SHH: variants seen among roughly 807,000 people sequenced by gnomAD.
The protein encoded by SHH is sonic hedgehog protein.
A neutral mutation model predicts 16.6 loss-of-function variants in SHH; 3 were observed. The ratio of observed to expected loss-of-function variants is 0.18; its 90% confidence interval spans 0.08 to 0.47. The LOEUF is 0.47. SHH is among the 20% of genes least tolerant of loss of function. SHH has a pLI of 0.98. For missense variants in SHH, 499 were observed against 665.0 expected (o/e 0.75, Z 2.75); for synonymous variants, 351 against 316.2 (o/e 1.11, Z -1.17).
chr7:155,802,864 CGCCCCCTCCCG>C lies in SHH; in HGVS notation c.*25_*35del. Reference sequence around the variant, plus strand: ...TTGCGTTGCTGTTGCTGCCCCGCCCCGCCCCCTCCCGCGCCCCTCCCCCGGCCCCCCGGCTT... The same window carrying C: ...TTGCGTTGCTGTTGCTGCCCCGCCCCCGCCCCTCCCCCGGCCCCCCGGCTT... On this transcript the variant is annotated 3_prime_UTR_variant, in exon 3 of 3. Transcript: ENST00000297261. The C allele has an allele frequency of 3.4e-6, 2 of 580,870 alleles. No individual in the cohort carries two copies. The highest frequency in any genetic ancestry group is 5.4e-6 in the Non-Finnish European group (2 of 368,598). 36.0% of individuals were successfully genotyped at this position (580,870 alleles called of 1,614,324 possible). A position where few individuals can be genotyped will look rare whatever the true frequency, so the allele number is the denominator to read the frequency against.
chr7:155,800,843 C>A lies in SHH; in HGVS notation c.*2057G>T. The stretch of plus-strand genomic sequence containing the variant: ...ACTGGGCCCAACCTCGGGAGCCAGC[C>A]CCTGCCAGGTGGGGCTGAAGTCTGT... On this transcript the variant is annotated 3_prime_UTR_variant, in exon 3 of 3. Transcript: ENST00000297261. 2.9e-6 allele frequency: 1 copy of A among 346,518 alleles called. No individual in the cohort carries two copies. The highest frequency in any genetic ancestry group is 5.7e-6 in the Non-Finnish European group (1 of 174,454). 21.5% of individuals were successfully genotyped at this position (346,518 alleles called of 1,614,324 possible).
chr7:155,808,016 G>A (rs1190796002), intron 1 of SHH, among the ~76,000 whole-genome samples: 1 of 151,622 alleles, frequency 6.6e-6, no homozygotes, highest in Non-Finnish European at 1.5e-5. Flanking sequence ...GACAAATTGC[G>A]CAACAGGAAA....
At position 155,803,403 on chromosome 7, in the gene SHH, C is replaced by T; in HGVS notation, c.886G>A (p.Gly296Arg). ...AGCGCCCGAGGCCCCAGTGCGCCCC[C>T]GGAAGGCGGCCCCGAGCCCGAGGAC... ...EASSGSGPPS[G>R]GALGPRALFA... Residue 296 changes from glycine (G) to arginine (R), a missense_variant, in exon 3 of 3, where the codon GGG (glycine) becomes AGG (arginine). Physicochemically the swap from Gly to Arg is moderately radical, Grantham distance 125. Around this residue, in one of 4 missense-constraint regions of SHH, gnomAD observed 299 missense variants for 301.1 expected, o/e 0.99. Transcript: ENST00000297261. The T allele has an allele frequency of 6.6e-7, 1 of 1,515,148 alleles. No homozygotes were observed. Among genetic ancestry groups the T allele is most frequent in the South Asian group, 1.2e-5 (1 of 81,622 alleles). The allele number at this position is 1,515,148 out of a possible 1,614,324, so 93.9% of individuals were successfully genotyped here. A position where few individuals can be genotyped will look rare whatever the true frequency, so the allele number is the denominator to read the frequency against.
chr7:155,800,937 T>C lies in SHH; in HGVS notation c.*1963A>G, dbSNP rs1189704182. 1 of 252,580 alleles carries C rather than the reference T, an allele frequency of 4.0e-6. No individual in the cohort carries two copies. The highest frequency in any genetic ancestry group is 2.2e-5 in the African/African-American group (1 of 44,682). The allele number at this position is 252,580 out of a possible 1,614,324, so 15.6% of individuals were successfully genotyped here. ...CAGCTGCTGGGAGGCCCCAAGCTCA[T>C]GCAGCGCAACTCTTCCAAGGCCCAG... On this transcript the variant is annotated 3_prime_UTR_variant, in exon 3 of 3. Transcript: ENST00000297261.
chr7:155,806,163 G>A, intron 2 of SHH, 133 bp downstream of exon 2: 1 of 1,149,414 alleles, frequency 8.7e-7, no homozygotes, highest in Admixed American at 1.8e-5. Context: ...TTCCACCGCG[G>A]AAACGCAGTC....
chr7:155,806,835 G>T (rs1276628968), intron 1 of SHH: 3 of 576,876 alleles, frequency 5.2e-6, no homozygotes, highest in African/African-American at 1.9e-5. Context: ...TGCTCCTAGC[G>T]AGGCCTAAGA....
Position 155,803,337 on chromosome 7 carries a change from C to A in SHH, c.952G>T (p.Val318Leu). The change falls in exon 3 of 3, where the codon GTG becomes TTG. Residue 318 changes from valine (V) to leucine (L), a missense_variant. Around this residue, in one of 4 missense-constraint regions of SHH, gnomAD observed 299 missense variants for 301.1 expected, o/e 0.99. Transcript: ENST00000297261. Reference sequence around the variant, plus strand: ...CGGCGGTCCCCGTCACGCTCGGCCACCACGTACACGCGCTGGCCCGGGCGC... The same window carrying A: ...CGGCGGTCCCCGTCACGCTCGGCCAACACGTACACGCGCTGGCCCGGGCGC... Reference protein sequence around the residue: ...RVRPGQRVYVVAERDGDRRLL... With the variant: ...RVRPGQRVYVLAERDGDRRLL... 2 of 1,474,724 alleles carry A rather than the reference C, an allele frequency of 1.4e-6. No individual in the cohort carries two copies. Among genetic ancestry groups the A allele is most frequent in the Non-Finnish European group, 1.8e-6 (2 of 1,121,270 alleles). 91.4% of individuals were successfully genotyped at this position (1,474,724 alleles called of 1,614,324 possible).
chr7:155,811,697 G>C, intron 1 of SHH, 126 bp downstream of exon 1: 1 of 936,792 alleles, frequency 1.1e-6, no homozygotes. Context: ...AGGTGGGTGG[G>C]GAAGGAGCGG....
In SHH at chr7:155,809,366, C is replaced by T. The variant is rs1050044927; in HGVS notation, c.300+2457G>A. ...CCTAGGTGGTTATTTAAAATGAGGG[C>T]GGCCGAGCAGGCTCCCCAAACCTCC... On this transcript the variant is annotated intron_variant, in intron 1 of 2. Coordinates refer to ENST00000297261, the MANE Select transcript of SHH (RefSeq NM_000193.4). The surrounding 1 kb of genome is among the most constrained non-coding windows in gnomAD (Gnocchi z 6.1). 6.6e-6 allele frequency among the ~76,000 whole-genome samples: 1 copy of T among 152,026 alleles called. No individual in the cohort carries two copies. The highest frequency in any genetic ancestry group is 1.5e-5 in the Non-Finnish European group (1 of 67,986).
intron 1 of SHH, among the ~76,000 whole-genome samples, chr7:155,810,382 C>T (rs764199206): frequency 2.0e-5 from 3 of 152,248 alleles, no homozygotes; most frequent in Non-Finnish European, 2.9e-5. Flanking sequence ...TGGCAAGGCC[C>T]CTCCTCCGCG....
chr7:155,809,785 G>C lies in SHH; in HGVS notation c.300+2038C>G, dbSNP rs546155495. On this transcript the variant is annotated intron_variant, in intron 1 of 2. Coordinates refer to ENST00000297261, the MANE Select transcript of SHH (RefSeq NM_000193.4). This position sits in a 1 kb window ranked among gnomAD's most constrained non-coding sequence, Gnocchi z 6.1. ...TGTGCGCGCGGCGGCGAGAGTGGCC[G>C]GGCGCGGGGCCGCTGGGCCCTGCGT... Among the ~76,000 whole-genome samples, 425 of 151,958 alleles carry C rather than the reference G, an allele frequency of 2.8e-3. 2 individuals carry two copies. The highest frequency in any genetic ancestry group is 4.5e-3 in the Non-Finnish European group (308 of 67,882).
intron 1 of SHH, chr7:155,806,760 G>T (rs1803375368): frequency 2.8e-6 from 2 of 703,016 alleles, no homozygotes; most frequent in African/African-American, 1.8e-5. Flanking sequence ...TTGCGGAGGA[G>T]CGTGGAGGAG....
In SHH at chr7:155,809,576, G is replaced by C. The variant is rs1178157219; in HGVS notation, c.300+2247C>G. On this transcript the variant is annotated intron_variant, in intron 1 of 2. Coordinates refer to ENST00000297261, the MANE Select transcript of SHH (RefSeq NM_000193.4). This position sits in a 1 kb window ranked among gnomAD's most constrained non-coding sequence, Gnocchi z 6.1. ...GCCCCTACCCCCCTCGGTTTTAGGGGACCTTTGTGGGGTCTGCCTGATAAT... is the reference window on the plus strand; with the variant it reads ...GCCCCTACCCCCCTCGGTTTTAGGGCACCTTTGTGGGGTCTGCCTGATAAT... 6.6e-6 allele frequency among the ~76,000 whole-genome samples: 1 copy of C among 152,130 alleles called. No homozygotes were observed. The highest frequency in any genetic ancestry group is 1.9e-4 in the East Asian group (1 of 5,174).
Position 155,800,506 on chromosome 7 carries a change from C to T in SHH, c.*2394G>A, listed in dbSNP as rs937542900. The T allele has an allele frequency of 1.1e-5, 5 of 468,546 alleles. No homozygotes were observed. The highest frequency in any genetic ancestry group is 1.8e-5 in the Non-Finnish European group (4 of 226,098). The allele number at this position is 468,546 out of a possible 1,614,324, so 29.0% of individuals were successfully genotyped here. On this transcript the variant is annotated 3_prime_UTR_variant, in exon 3 of 3. Transcript: ENST00000297261. Reference sequence around the variant, plus strand: ...CTTCTCTCTGATCGTCTGGGCTGCACGGCCACATTGCCAGGTCTGTCTACA... The same window carrying T: ...CTTCTCTCTGATCGTCTGGGCTGCATGGCCACATTGCCAGGTCTGTCTACA...
Position 155,802,869 on chromosome 7 carries a change from C to CCCCA in SHH, c.*30_*31insTGGG. 2 of 789,892 alleles carry CCCCA rather than the reference C, an allele frequency of 2.5e-6. No individual in the cohort carries two copies. Among genetic ancestry groups the CCCCA allele is most frequent in the Non-Finnish European group, 3.6e-6 (2 of 557,398 alleles). 48.9% of individuals were successfully genotyped at this position (789,892 alleles called of 1,614,324 possible). ...TTGCTGTTGCTGCCCCGCCCCGCCCCCTCCCGCGCCCCTCCCCCGGCCCCC... is the reference window on the plus strand; with the variant it reads ...TTGCTGTTGCTGCCCCGCCCCGCCCCCCCACTCCCGCGCCCCTCCCCCGGCCCCC... On this transcript the variant is annotated 3_prime_UTR_variant, in exon 3 of 3. Transcript: ENST00000297261.
rs768025752 is a variant in SHH, at chr7:155,803,241, C to T, written c.1048G>A (p.Ala350Thr). The T allele has an allele frequency of 1.3e-6, 2 of 1,519,976 alleles. No homozygotes were observed. The highest frequency in any genetic ancestry group is 1.8e-6 in the Non-Finnish European group (2 of 1,141,464). 94.2% of individuals were successfully genotyped at this position (1,519,976 alleles called of 1,614,324 possible). Residue 350 changes from alanine (A) to threonine (T), a missense_variant, in exon 3 of 3, where the codon GCC (alanine) becomes ACC (threonine). Around this residue, in one of 4 missense-constraint regions of SHH, gnomAD observed 299 missense variants for 301.1 expected, o/e 0.99. Coordinates refer to ENST00000297261, the MANE Select transcript of SHH (RefSeq NM_000193.4). The stretch of plus-strand genomic sequence containing the variant: ...CGGTTGATGAGAATGGTGCCCTGGG[C>T]CGTGAGCGGCGCGTAGGCGCCCGCG... ...EAAGAYAPLT[A>T]QGTILINRVL...
chr7:155,806,037 G>A (rs989341191), intron 2 of SHH, among the ~76,000 whole-genome samples: 3 of 152,228 alleles, frequency 2.0e-5, no homozygotes, highest in Admixed American at 2.0e-4. Context: ...CCTGCAGTGG[G>A]GGCTCCAGAA....
At position 155,803,008 on chromosome 7, in the gene SHH, C is replaced by T. The variant is rs752178963; in HGVS notation, c.1281G>A (p.Gly427=). The part of the protein sequence containing the change: ...APGAADAPGA[G]ATAGIHWYSQ... ...AGTACCAGTGGATGCCCGCGGTGGC[C>T]CCCGCACCCGGAGCGTCGGCAGCAC... Residue 427 remains glycine (G), a synonymous_variant, in exon 3 of 3, where the codon GGG becomes GGA. Transcript: ENST00000297261. 1.3e-6 allele frequency: 2 copies of T among 1,537,024 alleles called. No homozygotes were observed. Among genetic ancestry groups the T allele is most frequent in the Non-Finnish European group, 1.8e-6 (2 of 1,141,658 alleles).
chr7:155,803,856 G>A (rs1399924631), intron 2 of SHH, 130 bp from the exon 3 acceptor site: 2 of 758,510 alleles, frequency 2.6e-6, no homozygotes, highest in Non-Finnish European at 2.2e-6. Flanking sequence ...GCGCGGGGCG[G>A]GGCGATTGAT....
Sources: allele counts gnomAD v4.1 joint callset (sites outside exome capture counted in the v4.1 genomes callset), GRCh38; gene constraint gnomAD v4.1.1; regional missense constraint gnomAD v4.1.1; non-coding constraint Gnocchi (gnomAD v3.1); transcripts MANE v1.5; gene names NCBI Gene and HGNC (gene_info 2026-07-23, HGNC 2026-07-21).